The following ALDH9A1 variants were observed in gnomAD, a reference collection of about 807,000 sequenced individuals.
ALDH9A1 encodes the protein 4-trimethylaminobutyraldehyde dehydrogenase.
A neutral mutation model predicts 56.6 loss-of-function variants in ALDH9A1; 42 were observed. The ratio of observed to expected loss-of-function variants is 0.74; its 90% CI spans 0.58 to 0.96. ALDH9A1 has a LOEUF of 0.96. ALDH9A1 is among the 40% of genes least tolerant of loss of function. ALDH9A1 has a pLI of 0.00. For missense variants in ALDH9A1, 661 were observed against 651.5 expected, an observed-to-expected ratio of 1.01 and a Z score of -0.16; for synonymous variants, 242 against 236.0, an observed-to-expected ratio of 1.03 and a Z score of -0.23.
chr1:165,672,118 A>G (rs1649195982), intron 6 of ALDH9A1, among the ~76,000 whole-genome samples: 1 of 152,240 alleles, frequency 6.6e-6, no homozygotes, highest in South Asian at 2.1e-4. Context: ...CTGGATATAT[A>G]CCCAAAAGAA....
intron 9 of ALDH9A1, among the ~76,000 whole-genome samples, chr1:165,666,600 A>G (rs1052257196): frequency 2.0e-5 from 3 of 152,188 alleles, no homozygotes; most frequent in Non-Finnish European, 4.4e-5. Flanking sequence ...CAGGTCCTCA[A>G]GTGAGACTTG....
chr1:165,684,879 T>C (rs905351456), intron 2 of ALDH9A1, among the ~76,000 whole-genome samples: 8 of 152,168 alleles, frequency 5.3e-5, no homozygotes, highest in Admixed American at 3.3e-4. Context: ...TTTAAAATAA[T>C]GGATAGGCAA....
chr1:165,683,194 A>C (rs1383028458), intron 2 of ALDH9A1, 84 bp from the exon 3 acceptor site: 5 of 1,393,910 alleles, frequency 3.6e-6, no homozygotes, highest in Non-Finnish European at 5.0e-6. Context: ...CACACTGCTC[A>C]ATTTTTAAAA....
At chr1:165,692,974 C>A (rs1233938031) in intron 2 of ALDH9A1, among the ~76,000 whole-genome samples, 1 of 151,830 alleles carries the variant, frequency 6.6e-6, no homozygotes, top group Non-Finnish European at 1.5e-5. Context: ...AAAGGATTCC[C>A]TATTTAATAA....
intron 2 of ALDH9A1, among the ~76,000 whole-genome samples, chr1:165,693,867 A>G (rs1649977073): frequency 6.6e-6 from 1 of 152,186 alleles, no homozygotes; most frequent in South Asian, 2.1e-4. Context: ...CATATATACC[A>G]TGGAATACTA....
At chr1:165,681,386 A>G (rs1232677868) in intron 4 of ALDH9A1, among the ~76,000 whole-genome samples, 1 of 152,204 alleles carries the variant, frequency 6.6e-6, no homozygotes, top group Non-Finnish European at 1.5e-5. Context: ...TCACTTGATG[A>G]GAGTCCCCAA....
chr1:165,663,184 A>C (rs182780696), intron 10 of ALDH9A1, 40 bp from the exon 11 acceptor site: 2 of 1,514,648 alleles, frequency 1.3e-6, no homozygotes, highest in African/African-American at 2.7e-5. Context: ...CCATCACTAC[A>C]ATAGTCTGAA....
chr1:165,694,427 A>C (rs1392297330), intron 2 of ALDH9A1, among the ~76,000 whole-genome samples: 1 of 152,130 alleles, frequency 6.6e-6, no homozygotes, highest in Non-Finnish European at 1.5e-5. Context: ...ATGAGTATTA[A>C]ATACTTGTTT....
chr1:165,668,202 T>C (rs962152829), intron 8 of ALDH9A1, among the ~76,000 whole-genome samples: 4 of 152,224 alleles, frequency 2.6e-5, no homozygotes, highest in African/African-American at 9.6e-5. Flanking sequence ...ATGGTCTGGA[T>C]GCCTTTCTCC....
At position 165,662,977 on chromosome 1, in the gene ALDH9A1, A is replaced by T; in HGVS notation, c.*73T>A. The T allele has an allele frequency of 7.7e-7, 1 of 1,301,826 alleles. No homozygotes were observed. The highest frequency in any genetic ancestry group is 1.1e-6 in the Non-Finnish European group (1 of 896,038). The allele number at this position is 1,301,826 out of a possible 1,614,324, so 80.6% of individuals were successfully genotyped here. A position where few individuals can be genotyped will look rare whatever the true frequency, so the allele number is the denominator to read the frequency against. On this transcript the variant is annotated 3_prime_UTR_variant, in exon 11 of 11. Coordinates refer to ENST00000354775, the MANE Select transcript of ALDH9A1 (RefSeq NM_000696.4). The stretch of plus-strand genomic sequence containing the variant: ...TGGATGTAAAATAACATTCAGTTGT[A>T]CTGCCTCTGTAAACAGGGCCAATTC...
Position 165,680,476 on chromosome 1 carries a change from T to A in ALDH9A1, c.789+11A>T. 6.2e-7 allele frequency: 1 copy of A among 1,613,456 alleles called. No individual in the cohort carries two copies. Among genetic ancestry groups the A allele is most frequent in the South Asian group, 1.1e-5 (1 of 90,994 alleles). ...GCCATGTGTGTTGACCAATACTGGTTTTGTCCTCACCTTCATGCCAGTGGG... is the reference window on the plus strand; with the variant it reads ...GCCATGTGTGTTGACCAATACTGGTATTGTCCTCACCTTCATGCCAGTGGG... On this transcript the variant is annotated intron_variant, in intron 5 of 10. Coordinates refer to ENST00000354775, the MANE Select transcript of ALDH9A1 (RefSeq NM_000696.4).
At position 165,679,478 on chromosome 1, in the gene ALDH9A1, C is replaced by T. The variant is rs749815056; in HGVS notation, c.894G>A (p.Lys298=). The change falls in exon 6 of 11, where the codon AAG becomes AAA. Residue 298 remains lysine, a synonymous_variant. Coordinates refer to ENST00000354775, the MANE Select transcript of ALDH9A1 (RefSeq NM_000696.4). ...FSDCDMNNAV[K]GALMANFLTQ... ...TGAGGAAGTTGGCCATCAGCGCCCCCTTTACAGCATTGTTCATATCACAGT... is the reference window on the plus strand; with the variant it reads ...TGAGGAAGTTGGCCATCAGCGCCCCTTTTACAGCATTGTTCATATCACAGT... The T allele has an allele frequency of 2.5e-6, 4 of 1,614,160 alleles. No individual in the cohort carries two copies. Among genetic ancestry groups the T allele is most frequent in the Non-Finnish European group, 2.5e-6 (3 of 1,180,024 alleles).
chr1:165,669,533 T>A, intron 6 of ALDH9A1, 83 bp from the exon 7 acceptor site: 2 of 1,238,362 alleles, frequency 1.6e-6, no homozygotes, highest in Non-Finnish European at 2.2e-6. Flanking sequence ...ATCTAAAAAC[T>A]TTAAACTGAA....
chr1:165,662,921 A>G lies in ALDH9A1; in HGVS notation c.*129T>C, dbSNP rs949352434. 5.3e-6 allele frequency: 4 copies of G among 748,130 alleles called. No homozygotes were observed. The African/African-American group carries it at 6.9e-5, about 13-fold the overall frequency. 46.3% of individuals were successfully genotyped at this position (748,130 alleles called of 1,614,324 possible). On this transcript the variant is annotated 3_prime_UTR_variant, in exon 11 of 11. Coordinates refer to ENST00000354775, the MANE Select transcript of ALDH9A1 (RefSeq NM_000696.4). ...TGATGGAGAGAGAAAGAGTAACATG[A>G]ACCATTCTCTTATACTGAACGCCAA...
intron 1 of ALDH9A1, among the ~76,000 whole-genome samples, chr1:165,696,521 T>C (rs1294671504): frequency 6.6e-6 from 1 of 152,252 alleles, no homozygotes; most frequent in Non-Finnish European, 1.5e-5. Flanking sequence ...ATATAGTTAA[T>C]AAGCAGTAAT....
intron 2 of ALDH9A1, among the ~76,000 whole-genome samples, chr1:165,691,563 G>A (rs1429271939): frequency 6.6e-6 from 1 of 152,198 alleles, no homozygotes. Flanking sequence ...GTAAGCTTCA[G>A]AAGATCGGTA....
intron 2 of ALDH9A1, among the ~76,000 whole-genome samples, chr1:165,691,268 C>T (rs1439712410): frequency 6.6e-6 from 1 of 152,210 alleles, no homozygotes; most frequent in Non-Finnish European, 1.5e-5. Context: ...GGACCTCCAG[C>T]AAACTCCAAC....
intron 4 of ALDH9A1, among the ~76,000 whole-genome samples, chr1:165,681,453 C>T (rs1202397002): frequency 2.0e-5 from 3 of 152,224 alleles, no homozygotes; most frequent in Non-Finnish European, 4.4e-5. Flanking sequence ...TCCTCTTTCA[C>T]AGCTGTATCT....
intron 1 of ALDH9A1, among the ~76,000 whole-genome samples, 168 bp from the exon 2 acceptor site, chr1:165,695,565 G>A (rs1051376382): frequency 1.5e-5 from 2 of 134,620 alleles, no homozygotes; most frequent in South Asian, 2.5e-4. Context: ...GCGCGATCTC[G>A]GCTCACTGCA....
Sources: allele counts gnomAD v4.1 joint callset (sites outside exome capture counted in the v4.1 genomes callset), GRCh38; gene constraint gnomAD v4.1.1; transcripts MANE v1.5; gene names NCBI Gene and HGNC (gene_info 2026-07-23, HGNC 2026-07-21).